Variants in SH3PXD2A observed in about 807,000 individuals in gnomAD.
The protein encoded by SH3PXD2A is SH3 and PX domain-containing protein 2A.
SH3PXD2A carries 32 observed loss-of-function variants against 115.2 expected under a neutral mutation model. The ratio of observed to expected loss-of-function variants is 0.28; its 90% CI spans 0.21 to 0.37. SH3PXD2A has a LOEUF of 0.37. Ranked by LOEUF, SH3PXD2A falls within the 10% of genes least tolerant of loss-of-function variation. The probability of loss-of-function intolerance (pLI) is 1.00; values close to 1 mark genes in which losing one functional copy is unlikely to be tolerated. For missense variants in SH3PXD2A, 1,328 were observed against 1,498.7 expected, an observed-to-expected ratio of 0.89 and a Z score of 1.88; for synonymous variants, 610 against 629.1, an observed-to-expected ratio of 0.97 and a Z score of 0.45.
At chr10:103,751,780 T>C (rs1360232673) in intron 3 of SH3PXD2A, among the ~76,000 whole-genome samples, 1 of 152,058 alleles carries the variant, frequency 6.6e-6, no homozygotes, top group African/African-American at 2.4e-5. Flanking sequence ...AAAGAGGGCG[T>C]TTCTAGAGTC....
chr10:103,849,192 G>A (rs1842875478), intron 1 of SH3PXD2A, among the ~76,000 whole-genome samples: 1 of 152,022 alleles, frequency 6.6e-6, no homozygotes, highest in Admixed American at 6.6e-5. Context: ...CTCTGATGGG[G>A]AAGAAGTGGC....
chr10:103,693,936 T>TGCCCTC (rs2037793168), intron 5 of SH3PXD2A, among the ~76,000 whole-genome samples: 1 of 152,202 alleles, frequency 6.6e-6, no homozygotes, highest in Non-Finnish European at 1.5e-5. Flanking sequence ...TTACCTGCCC[T>TGCCCTC]GCCCTCCAGC....
At chr10:103,734,692 T>G (rs901606175) in intron 4 of SH3PXD2A, among the ~76,000 whole-genome samples, 1 of 152,206 alleles carries the variant, frequency 6.6e-6, no homozygotes, top group East Asian at 1.9e-4. Flanking sequence ...GAGGTTACAG[T>G]GAGCCAAGAT....
chr10:103,819,129 G>A (rs966248176), intron 1 of SH3PXD2A, among the ~76,000 whole-genome samples: 2 of 152,196 alleles, frequency 1.3e-5, no homozygotes, highest in Non-Finnish European at 2.9e-5. Context: ...CGCTTATTAC[G>A]TGCTGGGCTC....
rs2036126442 is a variant in SH3PXD2A, at chr10:103,595,942, T to A, written c.*5874A>T. 1 of 152,568 alleles carries A rather than the reference T, an allele frequency of 6.6e-6. No homozygotes were observed. Among genetic ancestry groups the A allele is most frequent in the African/African-American group, 2.4e-5 (1 of 41,410 alleles). The allele number at this position is 152,568 out of a possible 1,614,324, so 9.5% of individuals were successfully genotyped here. ...AAGCTGTGGGTCACTGATCCTGTCT[T>A]CTCACTGGCTCTGATCATGCAGCTT... On this transcript the variant is annotated 3_prime_UTR_variant, in exon 15 of 15. Transcript: ENST00000369774.
At position 103,613,512 on chromosome 10, in the gene SH3PXD2A, A is replaced by G. The variant is rs145723898; in HGVS notation, c.921-322T>C. 1.3e-3 allele frequency among the ~76,000 whole-genome samples: 193 copies of G among 152,300 alleles called. 1 individual carries two copies. Among genetic ancestry groups the G allele is most frequent in the African/African-American group, 3.9e-3 (164 of 41,570 alleles). On this transcript the variant is annotated intron_variant, in intron 11 of 14. Coordinates refer to ENST00000369774, the MANE Select transcript of SH3PXD2A (RefSeq NM_001394015.1). The stretch of plus-strand genomic sequence containing the variant: ...CAACTTTTGGGTTGCCCAAAGGAGG[A>G]CTTCATAATGGCCTGCTACTTCCCA...
intron 8 of SH3PXD2A, among the ~76,000 whole-genome samples, chr10:103,652,128 C>A (rs1185996347): frequency 6.6e-6 from 1 of 152,238 alleles, no homozygotes; most frequent in South Asian, 2.1e-4. Context: ...GAACTTTAGC[C>A]GGAGCCTGAG....
intron 1 of SH3PXD2A, among the ~76,000 whole-genome samples, chr10:103,839,916 G>T (rs775003907): frequency 7.9e-5 from 12 of 152,254 alleles, no homozygotes; most frequent in Non-Finnish European, 1.8e-4. Context: ...GTGCCAGTGG[G>T]CAGCCACCAG....
In SH3PXD2A at chr10:103,613,063, G is replaced by T; in HGVS notation, c.1048C>A (p.Leu350Met). ...TCCCCAGACGCCTTCTTGTTCAGCAGGTTGCTGATCTCCATGATGTTCCCA... is the reference window on the plus strand; with the variant it reads ...TCCCCAGACGCCTTCTTGTTCAGCATGTTGCTGATCTCCATGATGTTCCCA... Reference protein sequence around the residue: ...IIGNIMEISNLLNKKASGDKE... With the variant: ...IIGNIMEISNMLNKKASGDKE... Residue 350 changes from leucine to methionine, a missense_variant, in exon 12 of 15, where the codon CTG (leucine) becomes ATG (methionine). Physicochemically the swap from Leu to Met is conservative, Grantham distance 15. Around this residue, in one of 5 missense-constraint regions of SH3PXD2A, gnomAD observed 509 missense variants for 628.3 expected, o/e 0.81. Transcript: ENST00000369774. 1 of 1,614,184 alleles carries T rather than the reference G, an allele frequency of 6.2e-7. No individual in the cohort carries two copies. Among genetic ancestry groups the T allele is most frequent in the Non-Finnish European group, 8.5e-7 (1 of 1,179,994 alleles).
rs764331680 is a variant in SH3PXD2A, at chr10:103,735,821, T to G, written c.230-13A>C. The G allele has an allele frequency of 6.2e-7, 1 of 1,609,822 alleles. No homozygotes were observed. Among genetic ancestry groups the G allele is most frequent in the East Asian group, 2.2e-5 (1 of 44,850 alleles). On this transcript the variant is annotated splice_polypyrimidine_tract_variant and intron_variant, in intron 3 of 14. Transcript: ENST00000369774. ...AAGAGGATCTTGCCTGGAAGAGAGATGCTCATGAGTGGGGGATTCTGGCTA... is the reference window on the plus strand; with the variant it reads ...AAGAGGATCTTGCCTGGAAGAGAGAGGCTCATGAGTGGGGGATTCTGGCTA...
chr10:103,607,562 G>A (rs1308272935), intron 13 of SH3PXD2A, among the ~76,000 whole-genome samples: 86 of 151,326 alleles, frequency 5.7e-4, no homozygotes, highest in African/African-American at 2.0e-3. Flanking sequence ...CAGCCGCCCC[G>A]TCCGGGAGGT....
intron 3 of SH3PXD2A, among the ~76,000 whole-genome samples, chr10:103,763,175 C>T (rs1469148784): frequency 6.6e-6 from 1 of 152,130 alleles, no homozygotes; most frequent in Non-Finnish European, 1.5e-5. Flanking sequence ...TGTAACCAAG[C>T]CATGGTTTCC....
chr10:103,784,893 G>A lies in SH3PXD2A; in HGVS notation c.153+16389C>T, dbSNP rs1193860829. Among the ~76,000 whole-genome samples the A allele has an allele frequency of 2.0e-5, 3 of 152,174 alleles. No individual in the cohort carries two copies. Among genetic ancestry groups the A allele is most frequent in the Admixed American group, 1.3e-4 (2 of 15,286 alleles). On this transcript the variant is annotated intron_variant, in intron 2 of 14. Coordinates refer to ENST00000369774, the MANE Select transcript of SH3PXD2A (RefSeq NM_001394015.1). The surrounding 1 kb of genome is among the most constrained non-coding windows in gnomAD (Gnocchi z 4.4). ...GTGTGGCTTACACGCAGAGACACCT[G>A]GGAGCGGCAGCCTACTAGGCGTGTC...
intron 8 of SH3PXD2A, among the ~76,000 whole-genome samples, chr10:103,643,181 G>T (rs1007238436): frequency 3.7e-4 from 57 of 152,290 alleles, no homozygotes; most frequent in Admixed American, 3.2e-3. Context: ...CACCACGAAT[G>T]CCGATGCTTT....
At chr10:103,720,427 C>A (rs1447245222) in intron 5 of SH3PXD2A, among the ~76,000 whole-genome samples, 1 of 152,208 alleles carries the variant, frequency 6.6e-6, no homozygotes. Context: ...GGGATCAAAG[C>A]CGAGGCGCTC....
intron 5 of SH3PXD2A, among the ~76,000 whole-genome samples, chr10:103,720,892 G>C (rs1454795198): frequency 6.6e-6 from 1 of 152,234 alleles, no homozygotes; most frequent in Non-Finnish European, 1.5e-5. Flanking sequence ...GCAGAGACAG[G>C]GCCGGGCCCG....
intron 5 of SH3PXD2A, among the ~76,000 whole-genome samples, chr10:103,714,750 G>A (rs1052148776): frequency 2.0e-5 from 3 of 152,230 alleles, no homozygotes; most frequent in African/African-American, 7.2e-5. Context: ...GAGGCTATTT[G>A]TGCAGCAGCC....
At chr10:103,653,986 G>A (rs1456208583) in intron 8 of SH3PXD2A, among the ~76,000 whole-genome samples, 3 of 151,560 alleles carry the variant, frequency 2.0e-5, no homozygotes, top group Non-Finnish European at 2.9e-5. Context: ...CTTTGCAGTC[G>A]CAGCCCCACC....
chr10:103,785,329 C>G (rs1021396974), intron 2 of SH3PXD2A, among the ~76,000 whole-genome samples: 17 of 152,132 alleles, frequency 1.1e-4, no homozygotes, highest in African/African-American at 4.1e-4. Context: ...GGCAATGGAA[C>G]AGACAGATGA....
Sources: allele counts gnomAD v4.1 joint callset (sites outside exome capture counted in the v4.1 genomes callset), GRCh38; gene constraint gnomAD v4.1.1; regional missense constraint gnomAD v4.1.1; non-coding constraint Gnocchi (gnomAD v3.1); transcripts MANE v1.5; gene names NCBI Gene and HGNC (gene_info 2026-07-23, HGNC 2026-07-21).